The following SLFN12 variants were observed in gnomAD, a reference collection of about 807,000 sequenced individuals.
SLFN12 encodes schlafen family member 12.
A neutral mutation model predicts 29.1 loss-of-function variants in SLFN12; 25 were observed. The observed-to-expected ratio is 0.86, with a 90% CI of 0.63 to 1.20. The LOEUF is 1.20. Among genes scored for constraint, SLFN12 ranks in the 50% most tolerant of loss-of-function variants. The pLI is 0.00. For missense variants in SLFN12, 660 were observed against 666.2 expected (o/e 0.99, Z 0.10); for synonymous variants, 257 against 238.7 (o/e 1.08, Z -0.71).
chr17:35,422,977 C>T lies in SLFN12; in HGVS notation c.52G>A (p.Val18Met). The change falls in exon 2 of 4, where the codon GTG (valine) becomes ATG (methionine). Residue 18 changes from valine to methionine, a missense_variant. Transcript: ENST00000304905. ...ETNYAELVLD[V>M]GRVTLGENSR... ...TTCTCTCCAAGAGTGACTCTTCCCA[C>T]ATCTAGAACCAACTCGGCATAATTC... 1 of 1,613,648 alleles carries T rather than the reference C, an allele frequency of 6.2e-7. No individual in the cohort carries two copies. Among genetic ancestry groups the T allele is most frequent in the Non-Finnish European group, 8.5e-7 (1 of 1,179,892 alleles).
chr17:35,429,393 C>T (rs1395239923), intron 1 of SLFN12, among the ~76,000 whole-genome samples: 3 of 152,112 alleles, frequency 2.0e-5, no homozygotes, highest in African/African-American at 7.2e-5. Flanking sequence ...AAGCATACAT[C>T]TGGGACAAAA....
At chr17:35,420,192 T>G (rs1165312391) in intron 3 of SLFN12, 82 bp downstream of exon 3, 1 of 996,444 alleles carries the variant, frequency 1.0e-6, no homozygotes, top group East Asian at 2.5e-5. Flanking sequence ...TCAGAGCAAA[T>G]TTCAAGACTG....
At chr17:35,424,773 T>A (rs1286178681) in intron 1 of SLFN12, among the ~76,000 whole-genome samples, 2 of 152,140 alleles carry the variant, frequency 1.3e-5, no homozygotes, top group Admixed American at 6.5e-5. Context: ...ATCCTTTAGT[T>A]CTTTGTCCAT....
At chr17:35,424,510 T>G (rs12941766) in intron 1 of SLFN12, among the ~76,000 whole-genome samples, 24,115 of 152,148 alleles carry the variant, frequency 0.16, 2,919 homozygotes, top group African/African-American at 0.33. Context: ...GTTAAGTTAA[T>G]AAGTGTAACT....
At chr17:35,424,976 G>T (rs1898130284) in intron 1 of SLFN12, among the ~76,000 whole-genome samples, 1 of 151,918 alleles carries the variant, frequency 6.6e-6, no homozygotes, top group South Asian at 2.1e-4. Flanking sequence ...GGTGAACATT[G>T]CTACTATTTT....
chr17:35,415,364 C>T (rs1911255155), intron 3 of SLFN12, among the ~76,000 whole-genome samples: 1 of 152,008 alleles, frequency 6.6e-6, no homozygotes, highest in Non-Finnish European at 1.5e-5. Context: ...AAAACCAACC[C>T]AACAGGAATC....
intron 1 of SLFN12, among the ~76,000 whole-genome samples, chr17:35,429,293 A>G (rs1912181767): frequency 6.6e-6 from 1 of 152,014 alleles, no homozygotes; most frequent in Non-Finnish European, 1.5e-5. Context: ...TAGAGGACCC[A>G]GCGCTTGTGA....
At position 35,422,047 on chromosome 17, in the gene SLFN12, G is replaced by C; in HGVS notation, c.982C>G (p.Arg328Gly). 3 of 1,613,986 alleles carry C rather than the reference G, an allele frequency of 1.9e-6. No homozygotes were observed. The highest frequency in any genetic ancestry group is 2.5e-6 in the Non-Finnish European group (3 of 1,179,976). Residue 328 changes from arginine to glycine, a missense_variant, in exon 2 of 4, where the codon CGT becomes GGT. Physicochemically the swap from Arg to Gly is moderately radical, Grantham distance 125. Transcript: ENST00000304905. Reference sequence around the variant, plus strand: ...TCCTTCCTGGTCAACTGCATCACACGGTTATCTTTCACATGCCAGGAATCA... The same window carrying C: ...TCCTTCCTGGTCAACTGCATCACACCGTTATCTTTCACATGCCAGGAATCA... ...EPDSWHVKDN[R>G]VMQLTRKEWI...
chr17:35,430,649 T>C (rs1425218391), intron 1 of SLFN12: 1 of 152,130 alleles, frequency 6.6e-6, no homozygotes, highest in East Asian at 1.9e-4. Flanking sequence ...GAGCCTATTA[T>C]TATGATGACT....
Position 35,411,241 on chromosome 17 carries a change from T to C in SLFN12, c.*97A>G. 1 of 948,648 alleles carries C rather than the reference T, an allele frequency of 1.1e-6. No individual in the cohort carries two copies. The highest frequency in any genetic ancestry group is 1.5e-6 in the Non-Finnish European group (1 of 648,332). 58.8% of individuals were successfully genotyped at this position (948,648 alleles called of 1,614,324 possible). A position where few individuals can be genotyped will look rare whatever the true frequency, so the allele number is the denominator to read the frequency against. On this transcript the variant is annotated 3_prime_UTR_variant, in exon 4 of 4. Coordinates refer to ENST00000304905, the MANE Select transcript of SLFN12 (RefSeq NM_018042.5). Reference sequence around the variant, plus strand: ...ATTATCCAACATCACATTAAGTTGCTTAACTTGCAAAGTTTTCAAAGAAAT... The same window carrying C: ...ATTATCCAACATCACATTAAGTTGCCTAACTTGCAAAGTTTTCAAAGAAAT...
At chr17:35,429,036 C>T (rs897514938) in intron 1 of SLFN12, among the ~76,000 whole-genome samples, 2 of 152,122 alleles carry the variant, frequency 1.3e-5, no homozygotes, top group African/African-American at 2.4e-5. Context: ...TAATGCCTCA[C>T]CAAGCAGCCT....
chr17:35,423,043 T>C lies in SLFN12; in HGVS notation c.-15A>G. ...CTGATGTTCATTTTCCCAGCAGCTA[T>C]GCAGTGTCCAAGCAGAAATTCTTTT... On this transcript the variant is annotated 5_prime_UTR_variant, in exon 2 of 4. Coordinates refer to ENST00000304905, the MANE Select transcript of SLFN12 (RefSeq NM_018042.5). 6 of 1,592,036 alleles carry C rather than the reference T, an allele frequency of 3.8e-6. No homozygotes were observed. Among genetic ancestry groups the C allele is most frequent in the Non-Finnish European group, 5.1e-6 (6 of 1,169,630 alleles).
intron 1 of SLFN12, among the ~76,000 whole-genome samples, chr17:35,424,326 TAAG>T (rs1289330009): frequency 1.3e-5 from 2 of 152,126 alleles, no homozygotes; most frequent in Non-Finnish European, 2.9e-5. Flanking sequence ...ACTTTTAAGT[TAAG>T]AAGTGTGACA....
chr17:35,431,346 A>G (rs996984472), intron 1 of SLFN12, among the ~76,000 whole-genome samples: 1 of 152,148 alleles, frequency 6.6e-6, no homozygotes, highest in Admixed American at 6.5e-5. Flanking sequence ...TCACACTTTA[A>G]CCCGACACAA....
intron 1 of SLFN12, among the ~76,000 whole-genome samples, chr17:35,428,416 A>G (rs1477855718): frequency 6.6e-6 from 1 of 152,056 alleles, no homozygotes; most frequent in Non-Finnish European, 1.5e-5. Context: ...TGTGGTCTAA[A>G]AGCTGTTAGA....
intron 3 of SLFN12, among the ~76,000 whole-genome samples, chr17:35,419,174 T>G (rs1383391705): frequency 6.6e-6 from 1 of 152,132 alleles, no homozygotes; most frequent in African/African-American, 2.4e-5. Context: ...AGGAGAAAAT[T>G]AAAAGAAATA....
chr17:35,414,946 G>A (rs1192050164), intron 3 of SLFN12, among the ~76,000 whole-genome samples: 1 of 152,024 alleles, frequency 6.6e-6, no homozygotes. Context: ...ACTGACAAAA[G>A]CAATCTACAT....
At chr17:35,427,407 C>A (rs574700452) in intron 1 of SLFN12, among the ~76,000 whole-genome samples, 1 of 152,038 alleles carries the variant, frequency 6.6e-6, no homozygotes, top group South Asian at 2.1e-4. Flanking sequence ...AAACGCAATT[C>A]GATAATATTT....
chr17:35,419,176 A>G (rs1400552312), intron 3 of SLFN12, among the ~76,000 whole-genome samples: 1 of 152,164 alleles, frequency 6.6e-6, no homozygotes, highest in African/African-American at 2.4e-5. Context: ...GAGAAAATTA[A>G]AAGAAATATC....
Sources: gnomAD v4.1 joint callset for allele counts (sites outside exome capture counted in the v4.1 genomes callset) on GRCh38, gnomAD v4.1.1 for gene constraint, MANE v1.5 for transcripts, NCBI Gene and HGNC (gene_info 2026-07-23, HGNC 2026-07-21) for gene names.